Variants in DPP10 observed in about 807,000 individuals in gnomAD.
DPP10 encodes the protein dipeptidyl peptidase like 10, also known as inactive dipeptidyl peptidase 10.
A neutral mutation model predicts 120.9 loss-of-function variants in DPP10; 33 were observed. The observed-to-expected ratio is 0.27, with a 90% CI of 0.21 to 0.37. The LOEUF is 0.37. Ranked by LOEUF, DPP10 falls within the 10% of genes least tolerant of loss-of-function variation. DPP10 has a pLI of 1.00. For missense variants in DPP10, 816 were observed against 942.8 expected (o/e 0.87, Z 1.76); for synonymous variants, 337 against 326.1 (o/e 1.03, Z -0.36).
intron 1 of DPP10, among the ~76,000 whole-genome samples, chr2:114,667,533 G>A (rs12995656): frequency 0.084 from 12,731 of 152,156 alleles, 599 homozygotes; most frequent in East Asian, 0.13. Context: ...TACAAAGGAA[G>A]AACAAAACTC....
At chr2:115,705,885 G>A (rs2092084567) in intron 7 of DPP10, among the ~76,000 whole-genome samples, 1 of 151,692 alleles carries the variant, frequency 6.6e-6, no homozygotes, top group East Asian at 1.9e-4. Context: ...TCAAATTTGA[G>A]ATCAGGAAAA....
At chr2:114,748,351 A>ATTTTTTTTTTTTTTTTTTTT (rs1458478614) in intron 1 of DPP10, among the ~76,000 whole-genome samples, 1 of 101,270 alleles carries the variant, frequency 9.9e-6, no homozygotes. Flanking sequence ...TTTTTTTTTT[A>ATTTTTTTTTTTTTTTTTTTT]TTTTTTTTTA....
In DPP10 at chr2:115,655,346, G is replaced by A. The variant is rs2088202475; in HGVS notation, c.442-34341G>A. On this transcript the variant is annotated intron_variant, in intron 5 of 25. Coordinates refer to ENST00000410059, the MANE Select transcript of DPP10 (RefSeq NM_020868.6). ...AATATGTATTGCTTTGATGCTGTAT[G>A]TCTAAAAGCACTCATGAATACCTAG... Among the ~76,000 whole-genome samples the A allele has an allele frequency of 1.3e-5, 2 of 151,668 alleles. 1 individual carries two copies. Among genetic ancestry groups the A allele is most frequent in the South Asian group, 4.1e-4 (2 of 4,836 alleles).
intron 11 of DPP10, among the ~76,000 whole-genome samples, chr2:115,756,669 T>G (rs1679444168): frequency 6.6e-6 from 1 of 152,148 alleles, no homozygotes; most frequent in Non-Finnish European, 1.5e-5. Context: ...GCATGATGGA[T>G]TCTATCAATT....
chr2:114,646,202 G>T (rs116595736), intron 1 of DPP10, among the ~76,000 whole-genome samples: 1,394 of 125,898 alleles, frequency 0.011, 16 homozygotes, highest in African/African-American at 0.043. Context: ...AAATAAAAAG[G>T]GGGAGAGGGG....
chr2:115,685,562 A>G (rs1184808871), intron 5 of DPP10, among the ~76,000 whole-genome samples: 1 of 152,024 alleles, frequency 6.6e-6, no homozygotes, highest in African/African-American at 2.4e-5. Flanking sequence ...CATAATTAGT[A>G]TTCAATAGTT....
rs960944962 is a variant in DPP10, at chr2:115,158,395, C to T, written c.61-150844C>T. On this transcript the variant is annotated intron_variant, in intron 1 of 25. Coordinates refer to ENST00000410059, the MANE Select transcript of DPP10 (RefSeq NM_020868.6). ...GAGAAAGAAAGACATTGTAGATATT[C>T]ACAATGTTGTATGTGAGGAAGTTTT... is the stretch of plus-strand genomic sequence containing the variant. Among the ~76,000 whole-genome samples the T allele has an allele frequency of 2.6e-5, 4 of 152,252 alleles. No homozygotes were observed. The East Asian group carries it at 7.7e-4, about 29-fold the overall frequency.
chr2:115,019,025 G>C (rs924863499), intron 1 of DPP10, among the ~76,000 whole-genome samples: 2 of 151,762 alleles, frequency 1.3e-5, no homozygotes, highest in African/African-American at 4.8e-5. Context: ...GCACCCATCA[G>C]CAGGGCAGAG....
Position 114,446,905 on chromosome 2 carries a change from G to A in DPP10, c.60+4067G>A, listed in dbSNP as rs956796875. On this transcript the variant is annotated intron_variant, in intron 1 of 25. Coordinates refer to ENST00000410059, the MANE Select transcript of DPP10 (RefSeq NM_020868.6). The stretch of plus-strand genomic sequence containing the variant: ...ATCACAAGTATGTATTGTTAAATAC[G>A]TAGGCTTGGAACATGGTGGTTAGGA... 5.3e-5 allele frequency among the ~76,000 whole-genome samples: 8 copies of A among 152,164 alleles called. 1 individual carries two copies. The highest frequency in any genetic ancestry group is 1.2e-4 in the Non-Finnish European group (8 of 68,036).
chr2:114,841,065 G>A (rs1004903677), intron 1 of DPP10, among the ~76,000 whole-genome samples: 5 of 152,066 alleles, frequency 3.3e-5, no homozygotes, highest in Non-Finnish European at 5.9e-5. Context: ...AGATTCAACA[G>A]AAATTTTTGA....
intron 3 of DPP10, among the ~76,000 whole-genome samples, chr2:115,481,753 A>G (rs2075442681): frequency 6.6e-6 from 1 of 152,186 alleles, no homozygotes; most frequent in Admixed American, 6.6e-5. Context: ...GGGTTCATCT[A>G]TCTTGTACTA....
chr2:114,678,459 C>G (rs901451331), intron 1 of DPP10, among the ~76,000 whole-genome samples: 1 of 151,986 alleles, frequency 6.6e-6, no homozygotes, highest in Non-Finnish European at 1.5e-5. Flanking sequence ...TCCTGCCTTC[C>G]CTTGCCTTAC....
chr2:115,499,744 A>AT, intron 4 of DPP10, 140 bp downstream of exon 4: 4 of 507,628 alleles, frequency 7.9e-6, no homozygotes, highest in Non-Finnish European at 1.0e-5. Context: ...TATCATAAGA[A>AT]TCAGTAAATC....
intron 10 of DPP10, among the ~76,000 whole-genome samples, chr2:115,747,768 A>T (rs987814714): frequency 2.0e-5 from 3 of 151,822 alleles, no homozygotes; most frequent in East Asian, 1.9e-4. Context: ...TAATTTTTTG[A>T]ATTTTTAGTA....
At chr2:115,222,994 G>T (rs2057253117) in intron 1 of DPP10, among the ~76,000 whole-genome samples, 1 of 152,054 alleles carries the variant, frequency 6.6e-6, no homozygotes, top group African/African-American at 2.4e-5. Flanking sequence ...TTTGTAAATG[G>T]ATTTTGACTA....
At chr2:114,548,736 A>G (rs1687626763) in intron 1 of DPP10, among the ~76,000 whole-genome samples, 1 of 152,102 alleles carries the variant, frequency 6.6e-6, no homozygotes, top group African/African-American at 2.4e-5. Context: ...TGGGGCAGTA[A>G]CCTCCAACAG....
At chr2:114,984,770 G>A (rs1295342889) in intron 1 of DPP10, among the ~76,000 whole-genome samples, 2 of 152,090 alleles carry the variant, frequency 1.3e-5, no homozygotes, top group Non-Finnish European at 2.9e-5. Flanking sequence ...GAGCCTTTAG[G>A]AAGCCTTGAG....
At chr2:115,367,512 A>G (rs564297881) in intron 3 of DPP10, among the ~76,000 whole-genome samples, 2 of 152,120 alleles carry the variant, frequency 1.3e-5, no homozygotes, top group South Asian at 4.1e-4. Context: ...AATATTAACT[A>G]TCATATGACT....
chr2:115,516,919 T>C (rs2077535374), intron 4 of DPP10, among the ~76,000 whole-genome samples: 2 of 152,148 alleles, frequency 1.3e-5, no homozygotes. Context: ...AACAAGAAGA[T>C]AGTATTTTTC....
Sources: allele counts gnomAD v4.1 joint callset (sites outside exome capture counted in the v4.1 genomes callset), GRCh38; gene constraint gnomAD v4.1.1; transcripts MANE v1.5; gene names NCBI Gene and HGNC (gene_info 2026-07-23, HGNC 2026-07-21).